Variants in DLGAP4 observed in about 807,000 individuals in gnomAD.
DLGAP4 encodes disks large-associated protein 4.
DLGAP4 carries 18 observed loss-of-function variants against 86.9 expected under a neutral mutation model. The ratio of observed to expected loss-of-function variants is 0.21; its 90% CI spans 0.14 to 0.31. The LOEUF (loss-of-function observed/expected upper bound fraction) is 0.31. Ranked by LOEUF, DLGAP4 falls within the 10% of genes least tolerant of loss-of-function variation. The probability of loss-of-function intolerance (pLI) is 1.00; values close to 1 mark genes in which losing one functional copy is unlikely to be tolerated. For missense variants in DLGAP4, 1,085 were observed against 1,362.6 expected (o/e 0.80, Z 3.21); for synonymous variants, 548 against 574.3 (o/e 0.95, Z 0.65).
At chr20:36,315,123 T>C (rs1426815334) in intron 1 of DLGAP4, among the ~76,000 whole-genome samples, 1 of 142,286 alleles carries the variant, frequency 7.0e-6, no homozygotes, top group Non-Finnish European at 1.5e-5. Context: ...GTGTGGTATG[T>C]GGTGTGGTGT....
chr20:36,376,550 C>G (rs566517075), intron 2 of DLGAP4, among the ~76,000 whole-genome samples: 32 of 152,158 alleles, frequency 2.1e-4, no homozygotes, highest in African/African-American at 7.5e-4. Context: ...AGGACAGGAC[C>G]ATAAGAATGG....
intron 7 of DLGAP4, among the ~76,000 whole-genome samples, chr20:36,450,684 T>C (rs941843324): frequency 1.3e-5 from 2 of 152,094 alleles, no homozygotes; most frequent in Non-Finnish European, 2.9e-5. Context: ...TGTCGAACAA[T>C]TGACTTTTAA....
At chr20:36,474,204 G>T (rs967024268) in intron 7 of DLGAP4, among the ~76,000 whole-genome samples, 8 of 152,236 alleles carry the variant, frequency 5.3e-5, no homozygotes, top group Non-Finnish European at 1.2e-4. Context: ...TGCCTGGAAA[G>T]ATGTAGATGG....
chr20:36,524,322 G>A lies in DLGAP4; in HGVS notation c.2585G>A (p.Gly862Asp). 2 of 1,613,310 alleles carry A rather than the reference G, an allele frequency of 1.2e-6. No homozygotes were observed. The highest frequency in any genetic ancestry group is 1.7e-6 in the Non-Finnish European group (2 of 1,179,638). The change falls in exon 11 of 13, where the codon GGC becomes GAC. Residue 862 changes from glycine (G) to aspartate (D), a missense_variant. Physicochemically the swap from Gly to Asp is moderately conservative, Grantham distance 94. Around this residue, in one of 2 missense-constraint regions of DLGAP4, gnomAD observed 1,082 missense variants for 1,344.1 expected, o/e 0.81. Coordinates refer to ENST00000339266, the MANE Select transcript of DLGAP4 (RefSeq NM_001365621.2). ...TCCCAGAAATTCCAGCAGTTCCGGG[G>A]CCTCTGTGAGCAAAACTTGGTGAGT... ...LMSQKFQQFR[G>D]LCEQNLNPDA...
At chr20:36,396,370 ACACACCC>A in intron 2 of DLGAP4, among the ~76,000 whole-genome samples, 1 of 42,906 alleles carries the variant, frequency 2.3e-5, no homozygotes, top group African/African-American at 1.6e-4. Flanking sequence ...ACGCACATAC[ACACACCC>A]CACATACACA....
At chr20:36,372,164 A>G (rs1454830137) in intron 2 of DLGAP4, among the ~76,000 whole-genome samples, 1 of 152,216 alleles carries the variant, frequency 6.6e-6, no homozygotes, top group East Asian at 1.9e-4. Context: ...TTAAGTGAGT[A>G]GAAACATGTG....
chr20:36,328,758 G>T (rs1487821660), intron 1 of DLGAP4, among the ~76,000 whole-genome samples: 1 of 151,190 alleles, frequency 6.6e-6, no homozygotes, highest in Non-Finnish European at 1.5e-5. Flanking sequence ...CCTCAGGCAT[G>T]AGCCAGCACA....
intron 7 of DLGAP4, among the ~76,000 whole-genome samples, chr20:36,466,115 A>G (rs1307256453): frequency 2.0e-5 from 3 of 152,186 alleles, no homozygotes; most frequent in Non-Finnish European, 4.4e-5. Context: ...TTGGGGCAGG[A>G]ATCACATGCC....
chr20:36,441,032 C>T (rs1350256967), intron 5 of DLGAP4, among the ~76,000 whole-genome samples: 1 of 152,112 alleles, frequency 6.6e-6, no homozygotes, highest in Non-Finnish European at 1.5e-5. Context: ...GCCCCTGCCC[C>T]CCTCATCCAG....
intron 2 of DLGAP4, among the ~76,000 whole-genome samples, chr20:36,425,250 A>G (rs2032942547): frequency 6.6e-6 from 1 of 152,186 alleles, no homozygotes. Context: ...CAAACAACCC[A>G]ATTATAAAAT....
chr20:36,401,963 C>T (rs915957584), intron 2 of DLGAP4, among the ~76,000 whole-genome samples: 6 of 152,270 alleles, frequency 3.9e-5, no homozygotes, highest in Admixed American at 6.5e-5. Context: ...TGGCTGGAGC[C>T]GAGTGAATGA....
At chr20:36,415,889 G>A (rs6032628) in intron 2 of DLGAP4, among the ~76,000 whole-genome samples, 13,849 of 152,132 alleles carry the variant, frequency 0.091, 809 homozygotes, top group East Asian at 0.23. Context: ...ATCATCATCA[G>A]GATCACCCTC....
At chr20:36,358,533 G>T (rs1401449059) in intron 1 of DLGAP4, among the ~76,000 whole-genome samples, 1 of 152,244 alleles carries the variant, frequency 6.6e-6, no homozygotes, top group Non-Finnish European at 1.5e-5. Flanking sequence ...TTGGCTGGGC[G>T]CAGTGGCTCA....
intron 1 of DLGAP4, among the ~76,000 whole-genome samples, chr20:36,331,461 G>A (rs2147359211): frequency 6.6e-6 from 1 of 152,318 alleles, no homozygotes; most frequent in East Asian, 1.9e-4. Flanking sequence ...AATTAGACCT[G>A]CAGTCTGGGC....
chr20:36,336,086 A>G (rs1438271921), intron 1 of DLGAP4, among the ~76,000 whole-genome samples: 3 of 152,132 alleles, frequency 2.0e-5, no homozygotes, highest in African/African-American at 7.2e-5. Flanking sequence ...GTCCATGCCC[A>G]TGGAACACCT....
intron 2 of DLGAP4, among the ~76,000 whole-genome samples, chr20:36,377,029 A>G (rs2031183412): frequency 1.3e-5 from 2 of 152,154 alleles, no homozygotes; most frequent in African/African-American, 2.4e-5. Flanking sequence ...GCAACTGTGT[A>G]AGGACCTGGA....
intron 7 of DLGAP4, chr20:36,462,704 G>C: frequency 7.0e-7 from 1 of 1,419,326 alleles, no homozygotes; most frequent in Admixed American, 2.7e-5. Context: ...CTAGGGCAAG[G>C]GGGCTCTGAG....
At chr20:36,498,366 C>T (rs1197913258) in intron 8 of DLGAP4, 1 of 152,298 alleles carries the variant, frequency 6.6e-6, no homozygotes, top group African/African-American at 2.4e-5. Context: ...TGATCTTCAA[C>T]CCTTGGTCCT....
At chr20:36,415,269 GAAAAC>G (rs1237255563) in intron 2 of DLGAP4, among the ~76,000 whole-genome samples, 2 of 151,702 alleles carry the variant, frequency 1.3e-5, no homozygotes, top group Non-Finnish European at 2.9e-5. Flanking sequence ...TGTCTCAAAA[GAAAAC>G]AAAACAAAAC....
Sources: gnomAD v4.1 joint callset for allele counts (sites outside exome capture counted in the v4.1 genomes callset) on GRCh38, gnomAD v4.1.1 for gene constraint, gnomAD v4.1.1 regional missense constraint, MANE v1.5 for transcripts, NCBI Gene and HGNC (gene_info 2026-07-23, HGNC 2026-07-21) for gene names.